Variants in POFUT3 observed in about 807,000 individuals in gnomAD.
POFUT3 encodes the protein protein O-fucosyltransferase 3.
At chr8:33,333,276 G>C in the POFUT3 span, among the ~76,000 whole-genome samples, 1 of 152,214 alleles carries the variant, frequency 6.6e-6, no homozygotes, top group Admixed American at 6.5e-5. Flanking sequence ...AACAGAGGCA[G>C]AGTGGAAAGG....
At chr8:33,448,274 T>G in the POFUT3 span, among the ~76,000 whole-genome samples, 1 of 152,082 alleles carries the variant, frequency 6.6e-6, no homozygotes, top group Non-Finnish European at 1.5e-5. Flanking sequence ...AGTAGCCTTT[T>G]GTCCTTCAAA....
chr8:33,350,394 G>A, the POFUT3 span, among the ~76,000 whole-genome samples: 1 of 152,094 alleles, frequency 6.6e-6, no homozygotes, highest in Non-Finnish European at 1.5e-5. Flanking sequence ...ACAGAGGGTG[G>A]TGTCCTTGAC....
chr8:33,452,489 T>C, the POFUT3 span: 2 of 152,178 alleles, frequency 1.3e-5, no homozygotes, highest in Non-Finnish European at 1.5e-5. Context: ...ATAAATTTAG[T>C]AGTGGAATTA....
At chr8:33,355,172 G>T in the POFUT3 span, among the ~76,000 whole-genome samples, 1 of 152,092 alleles carries the variant, frequency 6.6e-6, no homozygotes, top group Admixed American at 6.6e-5. Context: ...GCTGCTGCAG[G>T]ATTTTCCAAG....
chr8:33,310,580 A>G, the POFUT3 span, among the ~76,000 whole-genome samples: 1 of 151,946 alleles, frequency 6.6e-6, no homozygotes, highest in East Asian at 1.9e-4. Context: ...AGTCCCAGCT[A>G]CTCGGGAGGC....
At chr8:33,395,524 C>T in the POFUT3 span, among the ~76,000 whole-genome samples, 1 of 152,034 alleles carries the variant, frequency 6.6e-6, no homozygotes, top group African/African-American at 2.4e-5. Flanking sequence ...CCCTTTCCAG[C>T]TCCCCATCCC....
At chr8:33,381,308 G>A in the POFUT3 span, among the ~76,000 whole-genome samples, 8 of 152,036 alleles carry the variant, frequency 5.3e-5, no homozygotes, top group South Asian at 2.1e-4. Flanking sequence ...TTAGTCTTTC[G>A]TACTAAATCC....
chr8:33,360,804 G>A, the POFUT3 span: 42 of 152,204 alleles, frequency 2.8e-4, no homozygotes, highest in African/African-American at 8.9e-4. Flanking sequence ...GGCAGCCCTA[G>A]AGTCACTGCA....
the POFUT3 span, among the ~76,000 whole-genome samples, chr8:33,425,939 G>T: frequency 3.3e-5 from 5 of 150,684 alleles, no homozygotes; most frequent in African/African-American, 1.2e-4. Context: ...ATTCACTCTT[G>T]TTGCTCCAGG....
chr8:33,408,093 G>C, the POFUT3 span, among the ~76,000 whole-genome samples: 1 of 151,912 alleles, frequency 6.6e-6, no homozygotes. Flanking sequence ...GGAGGCTAAG[G>C]TGGGAGGATC....
At chr8:33,354,974 G>A in the POFUT3 span, among the ~76,000 whole-genome samples, 7 of 152,148 alleles carry the variant, frequency 4.6e-5, no homozygotes, top group African/African-American at 7.2e-5. Flanking sequence ...CTGAACTTTC[G>A]TTGTTTACAC....
At chr8:33,319,743 T>TAC in the POFUT3 span, among the ~76,000 whole-genome samples, 2 of 63,552 alleles carry the variant, frequency 3.1e-5, 1 homozygote, top group African/African-American at 1.8e-4. Flanking sequence ...ATTTTATATA[T>TAC]ATTTATATAT....
the POFUT3 span, among the ~76,000 whole-genome samples, chr8:33,316,060 G>A: frequency 6.6e-6 from 1 of 152,158 alleles, no homozygotes; most frequent in Non-Finnish European, 1.5e-5. Context: ...AACATAGCAA[G>A]TGCTAATTAA....
At chr8:33,397,744 T>C in the POFUT3 span, among the ~76,000 whole-genome samples, 1 of 152,176 alleles carries the variant, frequency 6.6e-6, no homozygotes. Context: ...GGTTAGTTAC[T>C]AAAACTGGAT....
chr8:33,394,884 C>G, the POFUT3 span, among the ~76,000 whole-genome samples: 2 of 152,182 alleles, frequency 1.3e-5, no homozygotes, highest in South Asian at 2.1e-4. Flanking sequence ...TTACAGTACT[C>G]TCAGCCAAAC....
At chr8:33,423,485 G>A in the POFUT3 span, among the ~76,000 whole-genome samples, 1 of 152,024 alleles carries the variant, frequency 6.6e-6, no homozygotes, top group African/African-American at 2.4e-5. Context: ...GCCCAGGCTA[G>A]TCTTGAACTC....
chr8:33,409,874 C>T, the POFUT3 span, among the ~76,000 whole-genome samples: 1 of 152,104 alleles, frequency 6.6e-6, no homozygotes, highest in Non-Finnish European at 1.5e-5. Flanking sequence ...CACTGCGCTG[C>T]AGCCTGGGCG....
At chr8:33,465,733 C>T in the POFUT3 span, among the ~76,000 whole-genome samples, 1 of 152,052 alleles carries the variant, frequency 6.6e-6, no homozygotes, top group African/African-American at 2.4e-5. Flanking sequence ...GCCTCGGCCT[C>T]CCAAAGTGCT....
chr8:33,398,677 C>A, the POFUT3 span, among the ~76,000 whole-genome samples: 149 of 152,194 alleles, frequency 9.8e-4, no homozygotes, highest in African/African-American at 3.5e-3. Context: ...CACAAATTTA[C>A]CTATATAACA....
Sources: gnomAD v4.1 joint callset for allele counts (sites outside exome capture counted in the v4.1 genomes callset) on GRCh38, gnomAD v4.1.1 for gene constraint, MANE v1.5 for transcripts, NCBI Gene and HGNC (gene_info 2026-07-23, HGNC 2026-07-21) for gene names.